FGF13: variants seen among roughly 807,000 people sequenced by gnomAD.
FGF13 encodes the protein fibroblast growth factor homologous factor 2.
In FGF13, 2 loss-of-function variants were observed where a neutral mutation model predicts 19.5. That is an observed-to-expected ratio of 0.10 (90% CI 0.04 to 0.32). The LOEUF (loss-of-function observed/expected upper bound fraction) is 0.32. Ranked by LOEUF, FGF13 falls within the 10% of genes least tolerant of loss-of-function variation. FGF13 has a pLI of 1.00. For missense variants in FGF13, 113 were observed against 192.7 expected (o/e 0.59, Z 2.45); for synonymous variants, 72 against 76.9 (o/e 0.94, Z 0.33).
intron 1 of FGF13, among the ~76,000 whole-genome samples, chrX:138,877,747 C>T (rs1171582856): frequency 8.9e-6 from 1 of 112,351 alleles, no homozygotes; most frequent in Non-Finnish European, 1.9e-5. Flanking sequence ...TAGCATGTAT[C>T]AGAACTTAAT....
intron 1 of FGF13, among the ~76,000 whole-genome samples, chrX:138,881,546 C>A (rs182025765): frequency 9.0e-6 from 1 of 111,366 alleles, no homozygotes; most frequent in Admixed American, 9.6e-5. Context: ...GTCCTGGACT[C>A]TTTATTGGGT....
intron 1 of FGF13, among the ~76,000 whole-genome samples, chrX:139,185,849 C>A (rs1227128376): frequency 8.9e-6 from 1 of 111,790 alleles, no homozygotes; most frequent in Non-Finnish European, 1.9e-5. Context: ...ATATAAAGCA[C>A]ATAAGTGATT....
intron 3 of FGF13, among the ~76,000 whole-genome samples, chrX:138,656,268 G>A (rs778649099): frequency 9.0e-6 from 1 of 111,568 alleles, no homozygotes; most frequent in Non-Finnish European, 1.9e-5. Context: ...TAGCCTAAGG[G>A]CCACTAGAGA....
intron 3 of FGF13, among the ~76,000 whole-genome samples, chrX:138,671,585 C>A (rs929928970): frequency 4.5e-5 from 5 of 111,183 alleles, no homozygotes; most frequent in Non-Finnish European, 9.4e-5. Flanking sequence ...AAAATAAAGA[C>A]CCTGCCCTCA....
intron 1 of FGF13, among the ~76,000 whole-genome samples, chrX:139,122,539 A>G (rs770429175): frequency 1.2e-4 from 13 of 111,870 alleles, no homozygotes; most frequent in African/African-American, 3.2e-4. Flanking sequence ...GGCATTTGAC[A>G]CGTGAAATCT....
At chrX:138,702,746 T>G (rs780270884) in intron 3 of FGF13, among the ~76,000 whole-genome samples, 1 of 112,383 alleles carries the variant, frequency 8.9e-6, no homozygotes, top group East Asian at 2.8e-4. Context: ...CAAATGACAC[T>G]GTATTAAAAA....
At chrX:138,745,217 G>A (rs1254168725) in intron 3 of FGF13, among the ~76,000 whole-genome samples, 2 of 112,091 alleles carry the variant, frequency 1.8e-5, no homozygotes, top group African/African-American at 6.5e-5. Flanking sequence ...CTTGATGCCT[G>A]AACCTTTTAA....
intron 1 of FGF13, among the ~76,000 whole-genome samples, chrX:139,101,262 T>C (rs2083510974): frequency 8.9e-6 from 1 of 112,486 alleles, no homozygotes; most frequent in Non-Finnish European, 1.9e-5. Context: ...AATAGTCTAC[T>C]ATCCCTCCAC....
At chrX:138,962,382 T>C in intron 1 of FGF13, among the ~76,000 whole-genome samples, 1 of 111,917 alleles carries the variant, frequency 8.9e-6, no homozygotes, top group Non-Finnish European at 1.9e-5. Context: ...TAGGAACACT[T>C]TTACACTGTT....
chrX:138,625,793 C>T lies in FGF13; in HGVS notation c.*7057G>A, dbSNP rs1346035608. ...AATTTTTCACCTTTATATACCATTTCGGTTGTTCGTAGTAATTATGTTACC... is the reference window on the plus strand; with the variant it reads ...AATTTTTCACCTTTATATACCATTTTGGTTGTTCGTAGTAATTATGTTACC... On this transcript the variant is annotated 3_prime_UTR_variant, in exon 5 of 5. Transcript: ENST00000315930. 2.8e-5 allele frequency: 3 copies of T among 108,935 alleles called. No homozygotes were observed. Among genetic ancestry groups the T allele is most frequent in the African/African-American group, 1.0e-4 (3 of 29,964 alleles). 9.0% of individuals were successfully genotyped at this position (108,935 alleles called of 1,213,427 possible).
intron 3 of FGF13, among the ~76,000 whole-genome samples, chrX:138,682,037 A>G (rs1246908777): frequency 2.7e-5 from 3 of 112,543 alleles, no homozygotes; most frequent in Non-Finnish European, 5.6e-5. Context: ...AAGTGAGCAC[A>G]TGCTGTTGGA....
chrX:139,047,443 C>T (rs1010230880), intron 1 of FGF13, among the ~76,000 whole-genome samples: 8 of 110,095 alleles, frequency 7.3e-5, no homozygotes, highest in Admixed American at 9.6e-5. Flanking sequence ...TACATGTGCA[C>T]ATTGTGCAGG....
intron 3 of FGF13, among the ~76,000 whole-genome samples, chrX:138,747,034 C>T (rs749086565): frequency 2.7e-5 from 3 of 111,762 alleles, no homozygotes; most frequent in African/African-American, 9.8e-5. Context: ...GAGTTAGGAA[C>T]AAACCAGGTT....
At chrX:138,824,511 A>C (rs1439612897) in intron 3 of FGF13, among the ~76,000 whole-genome samples, 3 of 111,698 alleles carry the variant, frequency 2.7e-5, no homozygotes, top group Admixed American at 9.5e-5. Flanking sequence ...AAAAAATTAG[A>C]ACCTGACCAA....
chrX:139,083,496 G>A (rs954095185), intron 1 of FGF13, among the ~76,000 whole-genome samples: 5 of 112,320 alleles, frequency 4.5e-5, no homozygotes, highest in Middle Eastern at 4.6e-3. Context: ...TGACAGGAAA[G>A]CTTCTTGACT....
Position 138,630,478 on chromosome X carries a change from A to ACGTGG in FGF13, c.*2371_*2372insCCACG, listed in dbSNP as rs1378473221. 2 of 110,506 alleles carry ACGTGG rather than the reference A, an allele frequency of 1.8e-5. No homozygotes were observed. Among genetic ancestry groups the ACGTGG allele is most frequent in the Non-Finnish European group, 3.8e-5 (2 of 52,961 alleles). The allele number at this position is 110,506 out of a possible 1,213,427, so 9.1% of individuals were successfully genotyped here. On this transcript the variant is annotated 3_prime_UTR_variant, in exon 5 of 5. Transcript: ENST00000315930. ...ACATGGTACAAAGGATCCTGCATCC[A>ACGTGG]AGATAGCTAGGCAGGTGAGCGTACC...
At chrX:139,190,381 G>GAA (rs34311876) in intron 1 of FGF13, among the ~76,000 whole-genome samples, 14,778 of 105,368 alleles carry the variant, frequency 0.14, 818 homozygotes, top group African/African-American at 0.19. Context: ...CTTGATAAAA[G>GAA]AAAAAAAAAA....
intron 1 of FGF13, among the ~76,000 whole-genome samples, chrX:139,137,577 C>A (rs1433028259): frequency 8.9e-6 from 1 of 112,031 alleles, no homozygotes; most frequent in Non-Finnish European, 1.9e-5. Context: ...CCCAAGTATT[C>A]CACTTGGGAT....
In FGF13 at chrX:138,975,329, T is replaced by A. The variant is rs753041968; in HGVS notation, c.-112-110679A>T. Among the ~76,000 whole-genome samples, 5 of 112,289 alleles carry A rather than the reference T, an allele frequency of 4.5e-5. No homozygotes were observed. The South Asian group carries it at 1.8e-3, about 41-fold the overall frequency. On this transcript the variant is annotated intron_variant, in intron 1 of 2. Coordinates refer to the FGF13 transcript ENST00000421460. ...GTTGACTATCTTGTCCAAGATCATG[T>A]ACATAGAAAATGGCAGAACTGGAAT... is the stretch of plus-strand genomic sequence containing the variant.
Sources: allele counts gnomAD v4.1 joint callset (sites outside exome capture counted in the v4.1 genomes callset), GRCh38; gene constraint gnomAD v4.1.1; transcripts MANE v1.5; gene names NCBI Gene and HGNC (gene_info 2026-07-23, HGNC 2026-07-21).